Variants in KCNT2 observed in about 807,000 individuals in gnomAD.
KCNT2 encodes potassium channel subfamily T member 2.
KCNT2 carries 67 observed loss-of-function variants against 153.8 expected under a neutral mutation model. The observed-to-expected ratio is 0.44, with a 90% confidence interval of 0.36 to 0.53. KCNT2 has a LOEUF of 0.53. KCNT2 is among the 20% of genes least tolerant of loss of function. KCNT2 has a pLI of 0.00. For missense variants in KCNT2, 975 were observed against 1,354.8 expected (o/e 0.72, Z 4.40); for synonymous variants, 500 against 458.8 (o/e 1.09, Z -1.15).
At chr1:196,541,173 C>T (rs1391241114) in intron 1 of KCNT2, among the ~76,000 whole-genome samples, 1 of 151,568 alleles carries the variant, frequency 6.6e-6, no homozygotes, top group African/African-American at 2.4e-5. Context: ...ATTATCACTC[C>T]AAAATTATTA....
chr1:196,352,529 T>C (rs1380922526), intron 14 of KCNT2, among the ~76,000 whole-genome samples: 2 of 152,218 alleles, frequency 1.3e-5, no homozygotes, highest in East Asian at 3.8e-4. Flanking sequence ...GTAGTTTGTA[T>C]TTCTGTGGGA....
chr1:196,253,009 C>T (rs1344656008), intron 26 of KCNT2, among the ~76,000 whole-genome samples: 4 of 151,004 alleles, frequency 2.6e-5, no homozygotes, highest in Non-Finnish European at 5.9e-5. Flanking sequence ...TGTTTCTTGG[C>T]ATTACTTATT....
At chr1:196,268,673 T>G (rs529417451) in intron 25 of KCNT2, among the ~76,000 whole-genome samples, 6 of 152,198 alleles carry the variant, frequency 3.9e-5, no homozygotes, top group African/African-American at 1.4e-4. Context: ...CACTTCTTCC[T>G]TTTTCCCTAG....
intron 22 of KCNT2, among the ~76,000 whole-genome samples, chr1:196,285,978 AT>A (rs887244986): frequency 1.4e-4 from 21 of 152,276 alleles, no homozygotes; most frequent in African/African-American, 3.4e-4. Context: ...AAAGATCAAC[AT>A]TTTTTGTACA....
intron 21 of KCNT2, among the ~76,000 whole-genome samples, chr1:196,308,219 C>T (rs551972894): frequency 2.6e-3 from 396 of 152,112 alleles, no homozygotes; most frequent in African/African-American, 9.2e-3. Flanking sequence ...AAGCACGGCT[C>T]TAAGAGTTGT....
intron 20 of KCNT2, chr1:196,317,357 G>A: frequency 2.7e-6 from 1 of 370,812 alleles, no homozygotes; most frequent in Admixed American, 2.9e-5. Context: ...TGACCTTCAA[G>A]TTTAAATGCC....
At chr1:196,238,806 T>C (rs1467382625) in intron 26 of KCNT2, among the ~76,000 whole-genome samples, 1 of 151,980 alleles carries the variant, frequency 6.6e-6, no homozygotes, top group Non-Finnish European at 1.5e-5. Flanking sequence ...GCTGTGTACA[T>C]GTACCCGAGA....
rs765602951 is a variant in KCNT2, at chr1:196,429,732, G to T, written c.664C>A (p.Arg222=). The change falls in exon 9 of 28, where the codon CGA becomes AGA. Residue 222 remains arginine, a synonymous_variant. Coordinates refer to ENST00000294725, the MANE Select transcript of KCNT2 (RefSeq NM_198503.5). ...AAGAGATTCAGCTTCTTTCCTATTC[G>T]TTCCAGATGTTGGATCCCACAAATG... ...TCICGIQHLE[R]IGKKLNLFDS... is the part of the protein sequence containing the mutation. 1.2e-6 allele frequency: 2 copies of T among 1,604,686 alleles called. No homozygotes were observed. The highest frequency in any genetic ancestry group is 2.2e-5 in the East Asian group (1 of 44,566).
At chr1:196,593,231 A>G (rs1663602575) in intron 1 of KCNT2, among the ~76,000 whole-genome samples, 1 of 149,492 alleles carries the variant, frequency 6.7e-6, no homozygotes, top group African/African-American at 2.4e-5. Context: ...AATTCCATCC[A>G]GGTTGCTGCA....
At chr1:196,465,035 T>A (rs1002671377) in intron 8 of KCNT2, among the ~76,000 whole-genome samples, 6 of 152,026 alleles carry the variant, frequency 3.9e-5, no homozygotes, top group African/African-American at 1.4e-4. Flanking sequence ...ATTCTCATAG[T>A]TTGGCTGTTT....
intron 8 of KCNT2, among the ~76,000 whole-genome samples, chr1:196,448,073 A>G (rs1189685349): frequency 6.6e-6 from 1 of 151,666 alleles, no homozygotes; most frequent in Non-Finnish European, 1.5e-5. Flanking sequence ...ACAACATGTC[A>G]TCCCCTGAAA....
chr1:196,339,578 A>G (rs1315848970), intron 16 of KCNT2, among the ~76,000 whole-genome samples: 1 of 150,478 alleles, frequency 6.6e-6, no homozygotes, highest in African/African-American at 2.5e-5. Context: ...GAGAGAGATC[A>G]GCCAGTGATT....
chr1:196,547,321 T>C (rs1391123986), intron 1 of KCNT2, among the ~76,000 whole-genome samples: 2 of 151,916 alleles, frequency 1.3e-5, no homozygotes, highest in Non-Finnish European at 2.9e-5. Context: ...TGGAATCAAA[T>C]GTGAATATTA....
intron 1 of KCNT2, among the ~76,000 whole-genome samples, chr1:196,561,439 A>C (rs1034603603): frequency 1.3e-5 from 2 of 151,490 alleles, no homozygotes; most frequent in Non-Finnish European, 2.9e-5. Context: ...TATCTCATAT[A>C]TAAGATCAAT....
At chr1:196,524,792 T>G (rs1244410674) in intron 1 of KCNT2, among the ~76,000 whole-genome samples, 1 of 152,204 alleles carries the variant, frequency 6.6e-6, no homozygotes, top group African/African-American at 2.4e-5. Context: ...CAAATTTTCA[T>G]TTTACTTCTA....
rs1450935251 is a variant in KCNT2 at position 196,520,789 on chromosome 1, A to G, written c.96-28448T>C. ...GACACATTTCTTACACCATATGCAAAAATCAACTCAAGATGGATCAAAGAG... is the reference window on the plus strand; with the variant it reads ...GACACATTTCTTACACCATATGCAAGAATCAACTCAAGATGGATCAAAGAG... On this transcript the variant is annotated intron_variant, in intron 1 of 27. Transcript: ENST00000294725. 2.0e-5 allele frequency among the ~76,000 whole-genome samples: 3 copies of G among 152,208 alleles called. No homozygotes were observed. The East Asian group carries it at 5.8e-4, about 29-fold the overall frequency.
intron 1 of KCNT2, among the ~76,000 whole-genome samples, chr1:196,558,991 G>A (rs1659045161): frequency 1.3e-5 from 2 of 151,120 alleles, no homozygotes; most frequent in Admixed American, 1.3e-4. Context: ...TACAAATGAG[G>A]TATGCATAAG....
chr1:196,412,429 T>C (rs1019074939), intron 12 of KCNT2, among the ~76,000 whole-genome samples: 1 of 151,716 alleles, frequency 6.6e-6, no homozygotes, highest in Non-Finnish European at 1.5e-5. Flanking sequence ...GAAAGAATCA[T>C]TTTTAAAAAT....
At chr1:196,468,209 G>A (rs1214574706) in intron 6 of KCNT2, among the ~76,000 whole-genome samples, 2 of 152,006 alleles carry the variant, frequency 1.3e-5, no homozygotes, top group African/African-American at 2.4e-5. Context: ...CGACATTGCG[G>A]AGCTATGTTC....
Sources: allele counts gnomAD v4.1 joint callset (sites outside exome capture counted in the v4.1 genomes callset), GRCh38; gene constraint gnomAD v4.1.1; transcripts MANE v1.5; gene names NCBI Gene and HGNC (gene_info 2026-07-23, HGNC 2026-07-21).